Variants in PTPRO observed in about 807,000 individuals in gnomAD.
PTPRO encodes receptor-type tyrosine-protein phosphatase O.
A neutral mutation model predicts 145.2 loss-of-function variants in PTPRO; 62 were observed. The ratio of observed to expected loss-of-function variants is 0.43; its 90% CI spans 0.35 to 0.53. PTPRO has a LOEUF of 0.53. PTPRO is among the 20% of genes least tolerant of loss of function. The pLI, the probability that PTPRO is intolerant of heterozygous loss-of-function variation, is 0.01. For missense variants in PTPRO, 1,345 were observed against 1,482.7 expected (o/e 0.91, Z 1.53); for synonymous variants, 565 against 514.7 (o/e 1.10, Z -1.32).
chr12:15,398,890 G>T (rs1441458462), intron 1 of PTPRO, among the ~76,000 whole-genome samples: 1 of 152,036 alleles, frequency 6.6e-6, no homozygotes. Context: ...TTTCTCTTTA[G>T]AGTGCGGCTC....
intron 1 of PTPRO, among the ~76,000 whole-genome samples, chr12:15,350,911 A>G (rs1937780333): frequency 6.6e-6 from 1 of 152,194 alleles, no homozygotes; most frequent in African/African-American, 2.4e-5. Context: ...CACTATGACA[A>G]CTTCAGAACT....
At position 15,407,102 on chromosome 12, in the gene PTPRO, A is replaced by T. The variant is rs541918891; in HGVS notation, c.76-76872A>T. ...TTCCTTGAGCTTTTGGATCACAGAA[A>T]TGAGAATGCTGCTGTTCCTCCACTG... On this transcript the variant is annotated intron_variant, in intron 1 of 26. Transcript: ENST00000281171. Among the ~76,000 whole-genome samples, 30 of 152,314 alleles carry T rather than the reference A, an allele frequency of 2.0e-4. No homozygotes were observed. The South Asian group carries it at 5.8e-3, about 29-fold the overall frequency.
chr12:15,572,924 C>T (rs1944090957), intron 19 of PTPRO, among the ~76,000 whole-genome samples: 1 of 152,130 alleles, frequency 6.6e-6, no homozygotes, highest in Non-Finnish European at 1.5e-5. Context: ...GTTAAATGCT[C>T]TTCAATGAGT....
intron 1 of PTPRO, among the ~76,000 whole-genome samples, chr12:15,379,159 A>G (rs1938778280): frequency 6.6e-6 from 1 of 152,136 alleles, no homozygotes; most frequent in Non-Finnish European, 1.5e-5. Flanking sequence ...CATATGACCC[A>G]CACAAAAATT....
intron 13 of PTPRO, 112 bp downstream of exon 13, chr12:15,546,820 T>C: frequency 6.9e-7 from 1 of 1,455,836 alleles, no homozygotes; most frequent in South Asian, 1.2e-5. Context: ...AACTGTTTAT[T>C]TGCTCTTTTG....
intron 1 of PTPRO, among the ~76,000 whole-genome samples, chr12:15,364,107 A>G (rs1450113525): frequency 6.6e-6 from 1 of 152,216 alleles, no homozygotes; most frequent in African/African-American, 2.4e-5. Context: ...GAGAAAGAAA[A>G]TAGGACCTAT....
chr12:15,411,386 T>C (rs572565273), intron 1 of PTPRO, among the ~76,000 whole-genome samples: 28 of 152,380 alleles, frequency 1.8e-4, no homozygotes, highest in African/African-American at 6.0e-4. Flanking sequence ...CAAAGAAAGT[T>C]TTCTTCAGAA....
At chr12:15,397,847 T>C (rs1308385285) in intron 1 of PTPRO, among the ~76,000 whole-genome samples, 1 of 152,154 alleles carries the variant, frequency 6.6e-6, no homozygotes, top group Non-Finnish European at 1.5e-5. Context: ...AAACCATACC[T>C]GCTTAAGGAC....
intron 17 of PTPRO, among the ~76,000 whole-genome samples, chr12:15,564,219 C>A (rs1245266076): frequency 6.6e-6 from 1 of 152,178 alleles, no homozygotes; most frequent in African/African-American, 2.4e-5. Flanking sequence ...GAAATTAAAA[C>A]TACCTGAAAA....
rs775017011 is a variant in PTPRO, at chr12:15,580,115, T to C, written c.2997T>C (p.Pro999=). The C allele has an allele frequency of 5.0e-6, 8 of 1,610,106 alleles. No homozygotes were observed. The highest frequency in any genetic ancestry group is 5.9e-6 in the Non-Finnish European group (7 of 1,178,152). The change falls in exon 21 of 27, where the codon CCT becomes CCC. Residue 999 remains proline, a splice_region_variant and synonymous_variant. Transcript: ENST00000281171. Reference sequence around the variant, plus strand: ...ACTACATCAATGCCAACTATATTCCTGTAAGTAGAAAAAAAAAATCAGGCA... The same window carrying C: ...ACTACATCAATGCCAACTATATTCCCGTAAGTAGAAAAAAAAAATCAGGCA... ...GADYINANYI[P]GYNSPQEYIA...
rs149274754 is a variant in PTPRO at position 15,596,822 on chromosome 12, CTAA to C, written c.*751_*753del. 10 of 152,664 alleles carry C rather than the reference CTAA, an allele frequency of 6.6e-5. No individual in the cohort carries two copies. In the East Asian group the frequency reaches 1.9e-3, roughly 29 times the overall value. 9.5% of individuals were successfully genotyped at this position (152,664 alleles called of 1,614,324 possible). A position where few individuals can be genotyped will look rare whatever the true frequency, so the allele number is the denominator to read the frequency against. On this transcript the variant is annotated 3_prime_UTR_variant, in exon 27 of 27. Transcript: ENST00000281171. ...GTGTTTCTTCCTTGGCCCTTTTGGA[CTAA>C]TGTTACTGTCCAAGTTCTTTCTCAA...
intron 1 of PTPRO, among the ~76,000 whole-genome samples, chr12:15,407,275 G>A (rs545002771): frequency 6.6e-6 from 1 of 152,134 alleles, no homozygotes; most frequent in Non-Finnish European, 1.5e-5. Context: ...CTGGACCCTG[G>A]TGTGGCTGCT....
At chr12:15,586,555 A>C (rs1038497001) in intron 23 of PTPRO, among the ~76,000 whole-genome samples, 11 of 152,200 alleles carry the variant, frequency 7.2e-5, no homozygotes, top group Admixed American at 2.0e-4. Flanking sequence ...AGTGTATCTA[A>C]AGGGCACCAA....
At chr12:15,578,347 A>G (rs547666177) in intron 19 of PTPRO, among the ~76,000 whole-genome samples, 14 of 152,332 alleles carry the variant, frequency 9.2e-5, no homozygotes, top group Non-Finnish European at 1.8e-4. Flanking sequence ...CCTGAGTGTT[A>G]TACATATAGT....
intron 4 of PTPRO, 121 bp downstream of exon 4, chr12:15,499,715 A>T: frequency 8.7e-7 from 1 of 1,152,732 alleles, no homozygotes; most frequent in Non-Finnish European, 1.2e-6. Flanking sequence ...ATATATGTTT[A>T]ATAACCTAAA....
At position 15,419,895 on chromosome 12, in the gene PTPRO, C is replaced by T. The variant is rs906065583; in HGVS notation, c.76-64079C>T. Among the ~76,000 whole-genome samples, 12 of 151,488 alleles carry T rather than the reference C, an allele frequency of 7.9e-5. No individual in the cohort carries two copies. In the South Asian group the frequency reaches 8.3e-4, roughly 10 times the overall value. On this transcript the variant is annotated intron_variant, in intron 1 of 26. Transcript: ENST00000281171. ...GGGTGCAGTGGCTCACGCCTGTAATCCCAGCACTTTGGGAGGCTGAGGTGG... is the reference window on the plus strand; with the variant it reads ...GGGTGCAGTGGCTCACGCCTGTAATTCCAGCACTTTGGGAGGCTGAGGTGG...
chr12:15,425,254 G>A (rs1328151284), intron 1 of PTPRO, among the ~76,000 whole-genome samples: 1 of 152,034 alleles, frequency 6.6e-6, no homozygotes, highest in Non-Finnish European at 1.5e-5. Flanking sequence ...TACTTATTAT[G>A]TACCAAGTTT....
intron 1 of PTPRO, among the ~76,000 whole-genome samples, chr12:15,386,837 G>A (rs73301698): frequency 0.2 from 29,708 of 152,106 alleles, 2,958 homozygotes; most frequent in South Asian, 0.22. Context: ...TCAGGCACTC[G>A]TCTATATCTT....
chr12:15,558,413 C>G (rs1473182848), intron 16 of PTPRO, among the ~76,000 whole-genome samples: 1 of 151,964 alleles, frequency 6.6e-6, no homozygotes. Flanking sequence ...TATTAAGGAC[C>G]CGGAAGGAGG....
Sources: gnomAD v4.1 joint callset for allele counts (sites outside exome capture counted in the v4.1 genomes callset) on GRCh38, gnomAD v4.1.1 for gene constraint, MANE v1.5 for transcripts, NCBI Gene and HGNC (gene_info 2026-07-23, HGNC 2026-07-21) for gene names.